The following APPBP2 variants were observed in gnomAD, a reference collection of about 807,000 sequenced individuals.
APPBP2 encodes the protein amyloid protein-binding protein 2.
Under a neutral mutation model 76.0 loss-of-function variants are expected in APPBP2, and 15 were observed. The observed-to-expected ratio is 0.20, with a 90% CI of 0.13 to 0.30. The LOEUF is 0.30. Ranked by LOEUF, APPBP2 falls within the 10% of genes least tolerant of loss-of-function variation. APPBP2 has a pLI of 1.00. For missense variants in APPBP2, 401 were observed against 687.2 expected (o/e 0.58, Z 4.66); for synonymous variants, 222 against 242.2 (o/e 0.92, Z 0.77).
chr17:60,493,277 C>T (rs1385086005), intron 3 of APPBP2, among the ~76,000 whole-genome samples: 1 of 152,128 alleles, frequency 6.6e-6, no homozygotes, highest in East Asian at 1.9e-4. Flanking sequence ...TGTGCCACTG[C>T]ACTCTAGCCT....
intron 3 of APPBP2, among the ~76,000 whole-genome samples, chr17:60,484,544 A>C (rs780876322): frequency 2.0e-5 from 3 of 152,156 alleles, no homozygotes; most frequent in Non-Finnish European, 4.4e-5. Flanking sequence ...TTGGTGCATA[A>C]GAATGCTTGT....
intron 2 of APPBP2, among the ~76,000 whole-genome samples, chr17:60,499,170 A>G (rs1376947710): frequency 6.6e-6 from 1 of 151,482 alleles, no homozygotes; most frequent in Non-Finnish European, 1.5e-5. Flanking sequence ...ATCTCTACTA[A>G]AAATAAAAAA....
rs774232030 is a variant in APPBP2, at chr17:60,525,875, G to A, written c.57C>T (p.Ser19=). 4.6e-5 allele frequency: 75 copies of A among 1,614,002 alleles called. 2 individuals are homozygous for A. The South Asian group carries it at 8.0e-4, about 17-fold the overall frequency. The change falls in exon 1 of 13, where the codon TCC becomes TCT. Residue 19 remains serine (S), a synonymous_variant. Coordinates refer to ENST00000083182, the MANE Select transcript of APPBP2 (RefSeq NM_006380.5). The part of the protein sequence containing the change: ...IPETLYNTAI[S]AVVDNYIRSR... ...AGCGGATGTAGTTGTCCACGACAGC[G>A]GAGATGGCGGTGTTATAGAGAGTCT...
At chr17:60,500,633 T>C (rs1032688426) in intron 1 of APPBP2, 146 bp from the exon 2 acceptor site, 1 of 665,698 alleles carries the variant, frequency 1.5e-6, no homozygotes, top group Non-Finnish European at 2.6e-6. Flanking sequence ...CTACAATTCA[T>C]ATAAAAATAT....
chr17:60,477,150 G>A (rs2090596548), intron 4 of APPBP2, among the ~76,000 whole-genome samples: 1 of 152,116 alleles, frequency 6.6e-6, no homozygotes, highest in Non-Finnish European at 1.5e-5. Context: ...AACACTTGCA[G>A]CCATAATGAT....
intron 3 of APPBP2, among the ~76,000 whole-genome samples, chr17:60,486,276 T>C (rs1035127264): frequency 6.6e-6 from 1 of 152,334 alleles, no homozygotes; most frequent in African/African-American, 2.4e-5. Context: ...CTCATTGATC[T>C]GTCTAATATT....
chr17:60,498,896 A>G (rs2090798966), intron 2 of APPBP2, among the ~76,000 whole-genome samples: 1 of 152,042 alleles, frequency 6.6e-6, no homozygotes, highest in Non-Finnish European at 1.5e-5. Flanking sequence ...ATAGATTTAT[A>G]TTGGTACTAT....
chr17:60,516,288 T>C lies in APPBP2; in HGVS notation c.138+9506A>G, dbSNP rs549583875. On this transcript the variant is annotated intron_variant, in intron 1 of 12. Coordinates refer to ENST00000083182, the MANE Select transcript of APPBP2 (RefSeq NM_006380.5). ...ACAAACATCCCATTAGTTAATGTGG[T>C]TGTCTAAGAATGAAAGTTTTTTCGT... Among the ~76,000 whole-genome samples, 11 of 152,306 alleles carry C rather than the reference T, an allele frequency of 7.2e-5. No individual in the cohort carries two copies. The South Asian group carries it at 2.1e-3, about 29-fold the overall frequency.
At chr17:60,495,282 G>A (rs1002202875) in intron 2 of APPBP2, among the ~76,000 whole-genome samples, 5 of 151,666 alleles carry the variant, frequency 3.3e-5, no homozygotes, top group African/African-American at 1.2e-4. Context: ...CACCACGCCT[G>A]GCTGATATGA....
Position 60,525,902 on chromosome 17 carries a change from T to C in APPBP2, c.30A>G (p.Pro10=). The C allele has an allele frequency of 1.2e-6, 2 of 1,613,768 alleles. No homozygotes were observed. The highest frequency in any genetic ancestry group is 1.7e-6 in the Non-Finnish European group (2 of 1,179,926). Residue 10 remains proline (P), a synonymous_variant, in exon 1 of 13, where the codon CCA becomes CCG. Transcript: ENST00000083182. ...AGATGGCGGTGTTATAGAGAGTCTC[T>C]GGGATCCACTCTAGTTCCACGGCCG... is the stretch of plus-strand genomic sequence containing the variant. MAAVELEWI[P]ETLYNTAISA...
At chr17:60,501,423 C>T (rs2090822549) in intron 1 of APPBP2, among the ~76,000 whole-genome samples, 1 of 152,144 alleles carries the variant, frequency 6.6e-6, no homozygotes. Flanking sequence ...TGCTCTGTTG[C>T]CCAGGCAATA....
In APPBP2 at chr17:60,525,785, G is replaced by C. The variant is rs1193621421; in HGVS notation, c.138+9C>G. The C allele has an allele frequency of 6.2e-7, 1 of 1,613,596 alleles. No homozygotes were observed. The highest frequency in any genetic ancestry group is 1.3e-5 in the African/African-American group (1 of 74,850). On this transcript the variant is annotated intron_variant, in intron 1 of 12. Coordinates refer to ENST00000083182, the MANE Select transcript of APPBP2 (RefSeq NM_006380.5). The stretch of plus-strand genomic sequence containing the variant: ...GGAGGAGAGCAGAGAGGAGGCCCAC[G>C]GCGCATACCTTGTAGTAAACATCAA...
At chr17:60,457,441 T>G (rs540055073) in intron 9 of APPBP2, among the ~76,000 whole-genome samples, 147 of 152,290 alleles carry the variant, frequency 9.7e-4, no homozygotes, top group African/African-American at 2.5e-3. Context: ...TTGTTTGTTT[T>G]TTTTACACAG....
chr17:60,516,521 G>GC (rs2143496110), intron 1 of APPBP2, among the ~76,000 whole-genome samples: 1 of 152,266 alleles, frequency 6.6e-6, no homozygotes, highest in African/African-American at 2.4e-5. Context: ...ATTATCATTT[G>GC]CAAGATTCAT....
intron 3 of APPBP2, among the ~76,000 whole-genome samples, chr17:60,483,148 T>C (rs2090644629): frequency 6.6e-6 from 1 of 152,160 alleles, no homozygotes; most frequent in Non-Finnish European, 1.5e-5. Flanking sequence ...TATCTCACTG[T>C]GGTTTTGATT....
At position 60,461,727 on chromosome 17, in the gene APPBP2, T is replaced by G. The variant is rs962469749; in HGVS notation, c.936+83A>C. 6.0e-6 allele frequency: 6 copies of G among 997,488 alleles called. No individual in the cohort carries two copies. In the African/African-American group the frequency reaches 9.8e-5, roughly 16 times the overall value. The allele number at this position is 997,488 out of a possible 1,614,324, so 61.8% of individuals were successfully genotyped here. ...GGGGTAGTTGTCAAAAAGTCATTTT[T>G]AGAGTGGTTTATACACCACAAACAA... On this transcript the variant is annotated intron_variant, in intron 8 of 12. Coordinates refer to ENST00000083182, the MANE Select transcript of APPBP2 (RefSeq NM_006380.5).
intron 2 of APPBP2, among the ~76,000 whole-genome samples, chr17:60,498,836 C>T (rs907182629): frequency 1.6e-4 from 24 of 151,832 alleles, no homozygotes; most frequent in African/African-American, 5.6e-4. Flanking sequence ...TGAAATAATA[C>T]CAGGTATATG....
At chr17:60,520,341 G>A (rs942434467) in intron 1 of APPBP2, among the ~76,000 whole-genome samples, 5 of 152,140 alleles carry the variant, frequency 3.3e-5, no homozygotes, top group Admixed American at 3.3e-4. Context: ...GGGAGGCCGA[G>A]GCAGGCAGAT....
rs1276828969 is a variant in APPBP2 at position 60,512,151 on chromosome 17, G to T, written c.139-11664C>A. On this transcript the variant is annotated intron_variant, in intron 1 of 12. Transcript: ENST00000083182. ...GGAGTCTCGCTCTGTCACCCAGGCT[G>T]GAGTACAGTGGCCCAATCTCGGCTC... Among the ~76,000 whole-genome samples the T allele has an allele frequency of 3.3e-5, 5 of 151,162 alleles. No homozygotes were observed. The South Asian group carries it at 1.0e-3, about 31-fold the overall frequency.
Sources: allele counts gnomAD v4.1 joint callset (sites outside exome capture counted in the v4.1 genomes callset), GRCh38; gene constraint gnomAD v4.1.1; transcripts MANE v1.5; gene names NCBI Gene and HGNC (gene_info 2026-07-23, HGNC 2026-07-21).